The following PRKAR1B variants were observed in gnomAD, a reference collection of about 807,000 sequenced individuals.
PRKAR1B encodes protein kinase cAMP-dependent type I regulatory subunit beta.
Under a neutral mutation model 46.5 loss-of-function variants are expected in PRKAR1B, and 22 were observed. The observed-to-expected ratio is 0.47, with a 90% CI of 0.34 to 0.68. The LOEUF is 0.68. Among genes scored for constraint, PRKAR1B ranks in the 30% least tolerant of loss-of-function variants. The pLI is 0.01. For synonymous variants in PRKAR1B, 259 were observed against 217.7 expected, an observed-to-expected ratio of 1.19 and a Z score of -1.67; for missense variants, 445 against 535.6, an observed-to-expected ratio of 0.83 and a Z score of 1.67.
At chr7:616,328 C>A (rs1369657151) in intron 4 of PRKAR1B, among the ~76,000 whole-genome samples, 5 of 152,240 alleles carry the variant, frequency 3.3e-5, no homozygotes, top group Non-Finnish European at 4.4e-5. Flanking sequence ...AGATGGGGGA[C>A]CTTCCTTCCC....
chr7:613,728 A>G (rs71518322), intron 4 of PRKAR1B, among the ~76,000 whole-genome samples: 113,175 of 152,154 alleles, frequency 0.74, 42,503 homozygotes, highest in South Asian at 0.9. Context: ...GACCAGGCCC[A>G]CCTGGAAAAC....
At chr7:711,238 G>A (rs1263489277) in intron 2 of PRKAR1B, 91 bp downstream of exon 2, 43 of 1,519,134 alleles carry the variant, frequency 2.8e-5, no homozygotes, top group Non-Finnish European at 3.8e-5. Flanking sequence ...CAGCCTTCGA[G>A]GACCACGGGA....
chr7:577,676 G>C (rs922016401), intron 9 of PRKAR1B, among the ~76,000 whole-genome samples: 1 of 152,314 alleles, frequency 6.6e-6, no homozygotes, highest in East Asian at 1.9e-4. Context: ...GCATGAATCC[G>C]AAGGGAGGGG....
rs201102239 is a variant in PRKAR1B at position 711,490 on chromosome 7, C to T, written c.16G>A (p.Ala6Thr). The change falls in exon 2 of 11, where the codon GCC (alanine) becomes ACC (threonine). Residue 6 changes from alanine (A) to threonine (T), a missense_variant. Physicochemically the swap from Ala to Thr is moderately conservative, Grantham distance 58. Around this residue, in one of 5 missense-constraint regions of PRKAR1B, gnomAD observed 155 missense variants for 127.5 expected, o/e 1.22. Transcript: ENST00000537384. Reference protein sequence around the residue: MASPPACPSEEDESLK... With the variant: MASPPTCPSEEDESLK... ...CTCTCGTCCTCCTCCGAGGGGCAGG[C>T]GGGCGGGGAGGCCATGGCGAGGGTG... 2.5e-6 allele frequency: 4 copies of T among 1,613,500 alleles called. No individual in the cohort carries two copies. The East Asian group carries it at 6.7e-5, about 27-fold the overall frequency.
chr7:611,289 C>G (rs900077309), intron 4 of PRKAR1B, among the ~76,000 whole-genome samples: 4 of 152,240 alleles, frequency 2.6e-5, no homozygotes, highest in Non-Finnish European at 5.9e-5. Flanking sequence ...CTCTCTCCAT[C>G]TGTGCCCTGG....
intron 9 of PRKAR1B, among the ~76,000 whole-genome samples, chr7:552,467 T>C (rs13247157): frequency 0.076 from 2,989 of 39,524 alleles, 13 homozygotes; most frequent in African/African-American, 0.16. Flanking sequence ...GCCACTGCCA[T>C]CACCACGTCA....
intron 9 of PRKAR1B, among the ~76,000 whole-genome samples, chr7:573,618 A>C (rs1779652480): frequency 6.6e-6 from 1 of 152,144 alleles, no homozygotes; most frequent in African/African-American, 2.4e-5. Context: ...AGATCACGAA[A>C]ATCAGCCGTA....
intron 4 of PRKAR1B, among the ~76,000 whole-genome samples, chr7:651,965 C>T (rs1357282975): frequency 4.5e-5 from 3 of 66,118 alleles, no homozygotes; most frequent in Non-Finnish European, 8.8e-5. Context: ...CTGGGGAAAC[C>T]CCTCTCGGAA....
chr7:631,798 A>AG (rs905823310), intron 4 of PRKAR1B, among the ~76,000 whole-genome samples: 1 of 152,000 alleles, frequency 6.6e-6, no homozygotes, highest in Non-Finnish European at 1.5e-5. Flanking sequence ...AAAAAAAAAA[A>AG]AATTGGAAAT....
At chr7:570,250 G>C (rs1779420177) in intron 9 of PRKAR1B, among the ~76,000 whole-genome samples, 1 of 152,202 alleles carries the variant, frequency 6.6e-6, no homozygotes, top group South Asian at 2.1e-4. Flanking sequence ...CTCGTGGCAG[G>C]GCCCTGAGGC....
chr7:726,789 G>T lies in PRKAR1B; in HGVS notation c.-23+421C>A, dbSNP rs540763017. 1.8e-4 allele frequency: 227 copies of T among 1,283,428 alleles called. 2 individuals carry two copies. The East Asian group carries it at 7.0e-3, about 40-fold the overall frequency. 79.5% of individuals were successfully genotyped at this position (1,283,428 alleles called of 1,614,324 possible). On this transcript the variant is annotated intron_variant, in intron 1 of 10. Transcript: ENST00000537384. ...CGGCTGAGGGGGCCGAGACGGCTGAGGCGGTGGAGCTGAGCCGCGCCCTGA... is the reference window on the plus strand; with the variant it reads ...CGGCTGAGGGGGCCGAGACGGCTGATGCGGTGGAGCTGAGCCGCGCCCTGA...
At chr7:551,548 G>T (rs987053851) in intron 9 of PRKAR1B, 78 bp from the exon 10 acceptor site, 11 of 1,405,718 alleles carry the variant, frequency 7.8e-6, no homozygotes, top group African/African-American at 1.4e-5. Context: ...TCACCCCACA[G>T]GGGGTCACCA....
chr7:559,746 A>G (rs1156741923), intron 9 of PRKAR1B, among the ~76,000 whole-genome samples: 1 of 152,218 alleles, frequency 6.6e-6, no homozygotes, highest in Non-Finnish European at 1.5e-5. Flanking sequence ...CCTTATGTGA[A>G]GTTCTACAAG....
intron 4 of PRKAR1B, among the ~76,000 whole-genome samples, chr7:628,112 C>G (rs968397774): frequency 1.3e-5 from 2 of 152,214 alleles, no homozygotes; most frequent in African/African-American, 4.8e-5. Flanking sequence ...TGCCTCATAA[C>G]CAGCCATCCA....
In PRKAR1B at chr7:675,040, C is replaced by T. The variant is rs531204176; in HGVS notation, c.440+2189G>A. Among the ~76,000 whole-genome samples the T allele has an allele frequency of 5.9e-5, 9 of 152,318 alleles. No homozygotes were observed. The South Asian group carries it at 1.7e-3, about 28-fold the overall frequency. On this transcript the variant is annotated intron_variant, in intron 4 of 10. Coordinates refer to ENST00000537384, the MANE Select transcript of PRKAR1B (RefSeq NM_001164760.2). ...AACACCCATCGGGATCTTCACAGGC[C>T]AATCTCTGACCCAGCAACCTGAATA...
chr7:568,913 T>C (rs528142054), intron 9 of PRKAR1B, among the ~76,000 whole-genome samples: 27 of 150,398 alleles, frequency 1.8e-4, no homozygotes, highest in Non-Finnish European at 3.1e-4. Context: ...GATCTGGAAA[T>C]GTCTGCAATG....
chr7:686,349 G>A (rs1224006672), intron 2 of PRKAR1B, among the ~76,000 whole-genome samples: 1 of 152,040 alleles, frequency 6.6e-6, no homozygotes, highest in African/African-American at 2.4e-5. Context: ...CAATGAAATT[G>A]TAAAGGGGTT....
chr7:641,399 A>C (rs1769625856), intron 4 of PRKAR1B, among the ~76,000 whole-genome samples: 2 of 152,328 alleles, frequency 1.3e-5, no homozygotes, highest in East Asian at 1.9e-4. Context: ...ACAGAAAACA[A>C]CACAAATGAT....
rs1349602063 is a variant in PRKAR1B, at chr7:593,279, G to A, written c.708+2867C>T. Among the ~76,000 whole-genome samples the A allele has an allele frequency of 2.6e-5, 4 of 152,142 alleles. No homozygotes were observed. Among genetic ancestry groups the A allele is most frequent in the African/African-American group, 9.7e-5 (4 of 41,430 alleles). On this transcript the variant is annotated intron_variant, in intron 7 of 10. Coordinates refer to ENST00000537384, the MANE Select transcript of PRKAR1B (RefSeq NM_001164760.2). This position sits in a 1 kb window ranked among gnomAD's most constrained non-coding sequence, Gnocchi z 6.1. ...GTCTACTTCCTGGAGACACCAGACC[G>A]GGTCTCCCGCGTCCCCCAGGTCCCA...
Sources: gnomAD v4.1 joint callset for allele counts (sites outside exome capture counted in the v4.1 genomes callset) on GRCh38, gnomAD v4.1.1 for gene constraint, gnomAD v4.1.1 regional missense constraint, Gnocchi (gnomAD v3.1) non-coding constraint, MANE v1.5 for transcripts, NCBI Gene and HGNC (gene_info 2026-07-23, HGNC 2026-07-21) for gene names.